The following B3GAT2 variants were observed in gnomAD, a reference collection of about 807,000 sequenced individuals.
The protein encoded by B3GAT2 is galactosylgalactosylxylosylprotein 3-beta-glucuronosyltransferase 2.
Under a neutral mutation model 27.8 loss-of-function variants are expected in B3GAT2, and 26 were observed. The observed-to-expected ratio is 0.93, with a 90% confidence interval of 0.68 to 1.30. The LOEUF (loss-of-function observed/expected upper bound fraction) is 1.30, where lower values mean the gene tolerates loss of function less well. B3GAT2 is among the 50% of genes most tolerant of loss of function. The pLI, the probability that B3GAT2 is intolerant of heterozygous loss-of-function variation, is 0.00. For missense variants in B3GAT2, 458 were observed against 459.0 expected (o/e 1.00, Z 0.02); for synonymous variants, 218 against 195.1 (o/e 1.12, Z -0.98).
In B3GAT2 at chr6:70,861,980, T is replaced by G. The variant is rs1425857597; in HGVS notation, c.737-2A>C. On this transcript the variant is annotated splice_acceptor_variant, in intron 2 of 3. Coordinates refer to ENST00000230053, the MANE Select transcript of B3GAT2 (RefSeq NM_080742.3). LOFTEE classifies it high-confidence loss of function. Reference sequence around the variant, plus strand: ...TGACTTGAAGACTTACAGCAAATCCTTTGTGAAAAATAAAAAAAAAAAAGA... The same window carrying G: ...TGACTTGAAGACTTACAGCAAATCCGTTGTGAAAAATAAAAAAAAAAAAGA... 6.4e-7 allele frequency: 1 copy of G among 1,574,568 alleles called. No homozygotes were observed. Among genetic ancestry groups the G allele is most frequent in the Admixed American group, 2.0e-5 (1 of 50,002 alleles).
chr6:70,915,724 G>T lies in B3GAT2; in HGVS notation c.592-21452C>A, dbSNP rs1394883438. On this transcript the variant is annotated intron_variant, in intron 1 of 3. Transcript: ENST00000230053. Reference sequence around the variant, plus strand: ...TATCAGATGGTTGTAGATGTGTGGTGTTATTTCTGAGGCCTCTGTTCTATT... The same window carrying T: ...TATCAGATGGTTGTAGATGTGTGGTTTTATTTCTGAGGCCTCTGTTCTATT... 3.9e-5 allele frequency among the ~76,000 whole-genome samples: 6 copies of T among 152,150 alleles called. No individual in the cohort carries two copies. The South Asian group carries it at 1.2e-3, about 31-fold the overall frequency.
At chr6:70,912,617 GT>G (rs1383095219) in intron 1 of B3GAT2, among the ~76,000 whole-genome samples, 1 of 151,216 alleles carries the variant, frequency 6.6e-6, no homozygotes, top group African/African-American at 2.4e-5. Flanking sequence ...CCCAGTTTTC[GT>G]TATCAGGATG....
At chr6:70,942,124 C>CA (rs1440882038) in intron 1 of B3GAT2, among the ~76,000 whole-genome samples, 2 of 151,820 alleles carry the variant, frequency 1.3e-5, no homozygotes, top group Admixed American at 1.3e-4. Context: ...AAACCAGATG[C>CA]AAAAAAATAA....
Position 70,925,531 on chromosome 6 carries a change from T to C in B3GAT2, c.591+30308A>G, listed in dbSNP as rs149418459. Among the ~76,000 whole-genome samples, 870 of 152,326 alleles carry C rather than the reference T, an allele frequency of 5.7e-3. 5 individuals carry two copies. The highest frequency in any genetic ancestry group is 0.041 in the Middle Eastern group (12 of 294). On this transcript the variant is annotated intron_variant, in intron 1 of 3. Coordinates refer to ENST00000230053, the MANE Select transcript of B3GAT2 (RefSeq NM_080742.3). ...CCTGGCTCGGCGGTTCCCACACCTA[T>C]GGAGCCTTGCTTACTGCTAGCACAG...
rs113150026 is a variant in B3GAT2 at position 70,917,795 on chromosome 6, C to G, written c.592-23523G>C. Among the ~76,000 whole-genome samples, 247 of 152,234 alleles carry G rather than the reference C, an allele frequency of 1.6e-3. 1 individual carries two copies. The highest frequency in any genetic ancestry group is 5.5e-3 in the African/African-American group (230 of 41,528). On this transcript the variant is annotated intron_variant, in intron 1 of 3. Coordinates refer to ENST00000230053, the MANE Select transcript of B3GAT2 (RefSeq NM_080742.3). ...TGTAATTTCTGTTCTTTTATATTTG[C>G]TGAGCAGTGTTTTGCTTCCAATTAT...
intron 1 of B3GAT2, among the ~76,000 whole-genome samples, chr6:70,942,934 T>A (rs1325844301): frequency 6.6e-6 from 1 of 152,198 alleles, no homozygotes; most frequent in African/African-American, 2.4e-5. Flanking sequence ...TCACTAGAGA[T>A]GCAGGTACAA....
At chr6:70,949,605 G>A (rs1765546454) in intron 1 of B3GAT2, among the ~76,000 whole-genome samples, 1 of 147,946 alleles carries the variant, frequency 6.8e-6, no homozygotes, top group African/African-American at 2.5e-5. Flanking sequence ...CACTGTTGGT[G>A]GGACTGTAAA....
intron 1 of B3GAT2, among the ~76,000 whole-genome samples, chr6:70,925,868 A>C (rs1465545017): frequency 6.6e-6 from 1 of 152,228 alleles, no homozygotes; most frequent in African/African-American, 2.4e-5. Flanking sequence ...CTGACCCCTG[A>C]GTAGCCCAGT....
intron 1 of B3GAT2, among the ~76,000 whole-genome samples, chr6:70,930,149 A>C (rs540301191): frequency 2.6e-5 from 4 of 151,756 alleles, no homozygotes; most frequent in South Asian, 2.1e-4. Context: ...ATGTAGAAAG[A>C]TGAAACTGGA....
chr6:70,865,258 C>T (rs1771830797), intron 2 of B3GAT2, among the ~76,000 whole-genome samples: 1 of 152,124 alleles, frequency 6.6e-6, no homozygotes, highest in African/African-American at 2.4e-5. Context: ...TCCCGAGTAG[C>T]TGGGACTACA....
At position 70,860,069 on chromosome 6, in the gene B3GAT2, G is replaced by C; in HGVS notation, c.*1594C>G. ...ATTTGCTTTAAGAAATATTTGTATGGTACTCTGTTTTTATTCCAGTGCTTG... is the reference window on the plus strand; with the variant it reads ...ATTTGCTTTAAGAAATATTTGTATGCTACTCTGTTTTTATTCCAGTGCTTG... On this transcript the variant is annotated 3_prime_UTR_variant, in exon 4 of 4. Coordinates refer to ENST00000230053, the MANE Select transcript of B3GAT2 (RefSeq NM_080742.3). The C allele has an allele frequency of 2.0e-6, 2 of 993,136 alleles. No homozygotes were observed. Among genetic ancestry groups the C allele is most frequent in the Non-Finnish European group, 2.9e-6 (2 of 694,954 alleles). 61.5% of individuals were successfully genotyped at this position (993,136 alleles called of 1,614,324 possible).
chr6:70,956,946 G>T lies in B3GAT2; in HGVS notation c.-517C>A. 9.9e-7 allele frequency: 1 copy of T among 1,013,030 alleles called. No individual in the cohort carries two copies. The highest frequency in any genetic ancestry group is 1.2e-6 in the Non-Finnish European group (1 of 848,558). 62.8% of individuals were successfully genotyped at this position (1,013,030 alleles called of 1,614,324 possible). The stretch of plus-strand genomic sequence containing the variant: ...TTCCTCACATTCCCGCCGGGGTGGC[G>T]AGGAGCGGGTGGAGACGCTGGGGGT... On this transcript the variant is annotated 5_prime_UTR_variant, in exon 1 of 4. Coordinates refer to ENST00000230053, the MANE Select transcript of B3GAT2 (RefSeq NM_080742.3).
rs1181175419 is a variant in B3GAT2 at position 70,956,018 on chromosome 6, T to G, written c.412A>C (p.Thr138Pro). The G allele has an allele frequency of 6.6e-7, 1 of 1,522,542 alleles. No homozygotes were observed. The highest frequency in any genetic ancestry group is 2.5e-5 in the East Asian group (1 of 39,562). 94.3% of individuals were successfully genotyped at this position (1,522,542 alleles called of 1,614,324 possible). A position where few individuals can be genotyped will look rare whatever the true frequency, so the allele number is the denominator to read the frequency against. Reference sequence around the variant, plus strand: ...CGCGGCGTGGGCACGTGCAGGTGAGTGCTGGGCAGCCCGGCCCGCGCCAGG... The same window carrying G: ...CGCGGCGTGGGCACGTGCAGGTGAGGGCTGGGCAGCCCGGCCCGCGCCAGG... ...RFLARAGLPS[T>P]HLHVPTPRRY... is the part of the protein sequence containing the mutation. Residue 138 changes from threonine (T) to proline (P), a missense_variant, in exon 1 of 4, where the codon ACT (threonine) becomes CCT (proline). Transcript: ENST00000230053.
At chr6:70,902,617 G>GATATATATATATATATATATATATAT (rs61150776) in intron 1 of B3GAT2, among the ~76,000 whole-genome samples, 3 of 125,280 alleles carry the variant, frequency 2.4e-5, no homozygotes, top group East Asian at 4.6e-4. Flanking sequence ...AAGAAAATGG[G>GATATATATATATATATATATATATAT]ATATATATAT....
chr6:70,953,323 T>G (rs775602225), intron 1 of B3GAT2, among the ~76,000 whole-genome samples: 4 of 152,224 alleles, frequency 2.6e-5, no homozygotes, highest in Non-Finnish European at 5.9e-5. Flanking sequence ...AACGGGTGTA[T>G]GGTAGGCTGT....
At chr6:70,895,833 CTTT>C (rs11412558) in intron 1 of B3GAT2, among the ~76,000 whole-genome samples, 1 of 147,412 alleles carries the variant, frequency 6.8e-6, no homozygotes, top group South Asian at 2.2e-4. Context: ...ACTTTTACAA[CTTT>C]TTTTTTTTTT....
intron 1 of B3GAT2, among the ~76,000 whole-genome samples, chr6:70,916,150 C>T (rs962567264): frequency 2.6e-5 from 4 of 151,744 alleles, no homozygotes; most frequent in African/African-American, 9.7e-5. Context: ...GTATTTTATT[C>T]TCTTTGAGGC....
intron 1 of B3GAT2, among the ~76,000 whole-genome samples, chr6:70,948,335 T>C (rs1478383005): frequency 1.4e-5 from 2 of 147,150 alleles, no homozygotes; most frequent in South Asian, 2.2e-4. Flanking sequence ...GAAAACCCCA[T>C]TGTCTCAGCC....
intron 1 of B3GAT2, among the ~76,000 whole-genome samples, chr6:70,917,346 C>A (rs969950210): frequency 2.0e-5 from 3 of 152,066 alleles, no homozygotes; most frequent in Non-Finnish European, 4.4e-5. Context: ...TTTCAGAAAA[C>A]CAGCTCCTGG....
Sources: allele counts gnomAD v4.1 joint callset (sites outside exome capture counted in the v4.1 genomes callset), GRCh38; gene constraint gnomAD v4.1.1; transcripts MANE v1.5; gene names NCBI Gene and HGNC (gene_info 2026-07-23, HGNC 2026-07-21).